PHLPP2: variants seen among roughly 807,000 people sequenced by gnomAD.
PHLPP2 encodes PH domain and leucine rich repeat protein phosphatase 2, also known as PH domain leucine-rich repeat-containing protein phosphatase 2.
In PHLPP2, 66 loss-of-function variants were observed where a neutral mutation model predicts 124.9. The ratio of observed to expected loss-of-function variants is 0.53; its 90% CI spans 0.43 to 0.65. The LOEUF is 0.65. Among genes scored for constraint, PHLPP2 ranks in the 30% least tolerant of loss-of-function variants. The pLI, the probability that PHLPP2 is intolerant of heterozygous loss-of-function variation, is 0.00. For synonymous variants in PHLPP2, 681 were observed against 624.7 expected (o/e 1.09, Z -1.34); for missense variants, 1,685 against 1,600.4 (o/e 1.05, Z -0.90).
chr16:71,679,884 C>T (rs1374041313), intron 6 of PHLPP2, among the ~76,000 whole-genome samples: 2 of 152,070 alleles, frequency 1.3e-5, no homozygotes, highest in African/African-American at 4.8e-5. Context: ...AGATCGAGAC[C>T]ATTCTGGCTA....
In PHLPP2 at chr16:71,648,806, A is replaced by C. The variant is rs1400406231; in HGVS notation, c.*84T>G. On this transcript the variant is annotated 3_prime_UTR_variant, in exon 19 of 19. Transcript: ENST00000568954. ...AACAAAAAAAAAACGAACAAACAAA[A>C]AGAAATGTAGAGGCAGAATGCCTCT... is the stretch of plus-strand genomic sequence containing the variant. The C allele has an allele frequency of 1.1e-5, 11 of 1,000,892 alleles. No homozygotes were observed. Among genetic ancestry groups the C allele is most frequent in the Non-Finnish European group, 1.6e-5 (11 of 667,778 alleles). 62.0% of individuals were successfully genotyped at this position (1,000,892 alleles called of 1,614,324 possible). A position where few individuals can be genotyped will look rare whatever the true frequency, so the allele number is the denominator to read the frequency against.
intron 1 of PHLPP2, among the ~76,000 whole-genome samples, chr16:71,720,216 G>C (rs2045389971): frequency 6.6e-6 from 1 of 151,620 alleles, no homozygotes; most frequent in Non-Finnish European, 1.5e-5. Context: ...TGATCCACCA[G>C]CCTCGGCCTC....
At chr16:71,723,804 C>A in intron 1 of PHLPP2, 1 of 1,292,874 alleles carries the variant, frequency 7.7e-7, no homozygotes, top group Non-Finnish European at 9.8e-7. Flanking sequence ...CGGCGGCTCG[C>A]GGGCGCTTCG....
intron 13 of PHLPP2, among the ~76,000 whole-genome samples, chr16:71,660,465 GC>G (rs1371801997): frequency 4.0e-5 from 4 of 99,340 alleles, no homozygotes; most frequent in Non-Finnish European, 7.3e-5. Flanking sequence ...TTGCTCTGTT[GC>G]CCAGGCTGGA....
At chr16:71,714,293 G>A (rs1223743782) in intron 2 of PHLPP2, among the ~76,000 whole-genome samples, 3 of 151,956 alleles carry the variant, frequency 2.0e-5, no homozygotes, top group Admixed American at 6.6e-5. Context: ...TCTGACCTAT[G>A]GTGTATTCCA....
intron 7 of PHLPP2, 32 bp downstream of exon 7, chr16:71,679,357 G>A (rs1341361928): frequency 6.2e-7 from 1 of 1,600,850 alleles, no homozygotes; most frequent in South Asian, 1.1e-5. Flanking sequence ...TATTCTGCAA[G>A]GGAAAAGAGG....
chr16:71,667,363 TA>T (rs760270379), intron 11 of PHLPP2, 30 bp from the exon 12 acceptor site: 19 of 1,562,358 alleles, frequency 1.2e-5, no homozygotes, highest in Non-Finnish European at 1.6e-5. Flanking sequence ...ACAAACACAT[TA>T]AAAACTTACT....
chr16:71,692,952 C>T (rs1163152337), intron 3 of PHLPP2, among the ~76,000 whole-genome samples: 1 of 152,002 alleles, frequency 6.6e-6, no homozygotes, highest in East Asian at 1.9e-4. Flanking sequence ...TCCACATTTC[C>T]AACTATCCAG....
rs2044670332 is a variant in PHLPP2, at chr16:71,648,680, G to A, written c.*210C>T. The stretch of plus-strand genomic sequence containing the variant: ...CCAGCTACTCGGGAGGCTGAGACAG[G>A]AGAATGGCTTGAACCCAGGGACAGA... On this transcript the variant is annotated 3_prime_UTR_variant, in exon 19 of 19. Transcript: ENST00000568954. The A allele has an allele frequency of 1.8e-6, 1 of 541,434 alleles. No individual in the cohort carries two copies. Among genetic ancestry groups the A allele is most frequent in the Non-Finnish European group, 3.3e-6 (1 of 306,388 alleles). 33.5% of individuals were successfully genotyped at this position (541,434 alleles called of 1,614,324 possible).
rs2044703578 is a variant in PHLPP2, at chr16:71,652,465, CT to C, written c.2817+324del. Among the ~76,000 whole-genome samples, 3 of 152,330 alleles carry C rather than the reference CT, an allele frequency of 2.0e-5. No individual in the cohort carries two copies. In the South Asian group the frequency reaches 6.2e-4, roughly 32 times the overall value. ...GGGATGTCAAACTAGAGAACTCTTTCTTCTATTTGGAATAACAAACCAGATG... is the reference window on the plus strand; with the variant it reads ...GGGATGTCAAACTAGAGAACTCTTTCTCTATTTGGAATAACAAACCAGATG... On this transcript the variant is annotated intron_variant, in intron 18 of 18. Coordinates refer to ENST00000568954, the MANE Select transcript of PHLPP2 (RefSeq NM_015020.3).
chr16:71,669,456 C>T (rs1177152530), intron 10 of PHLPP2, 86 bp from the exon 11 acceptor site: 20 of 942,714 alleles, frequency 2.1e-5, no homozygotes, highest in Non-Finnish European at 3.0e-5. Flanking sequence ...CATTAACCAG[C>T]CTGTGAGCCC....
intron 13 of PHLPP2, among the ~76,000 whole-genome samples, chr16:71,661,673 T>C (rs1047245206): frequency 2.6e-5 from 4 of 152,116 alleles, no homozygotes; most frequent in Non-Finnish European, 1.5e-5. Flanking sequence ...AGTCATTGTT[T>C]TAATTCTTTC....
intron 17 of PHLPP2, among the ~76,000 whole-genome samples, chr16:71,653,962 G>A (rs892022740): frequency 7.2e-5 from 11 of 151,962 alleles, no homozygotes; most frequent in African/African-American, 2.4e-4. Flanking sequence ...TTGGGAGGCC[G>A]AGGTGGGCAG....
chr16:71,701,286 ATC>A, intron 3 of PHLPP2, among the ~76,000 whole-genome samples: 1 of 91,188 alleles, frequency 1.1e-5, no homozygotes, highest in African/African-American at 4.4e-5. Flanking sequence ...CTATCTATCT[ATC>A]TATCTATCTA....
intron 1 of PHLPP2, chr16:71,723,828 G>C (rs935637224): frequency 8.0e-7 from 1 of 1,250,738 alleles, no homozygotes; most frequent in Non-Finnish European, 1.0e-6. Context: ...GGCTCCGGGG[G>C]CTCCAGCGGG....
At chr16:71,669,129 C>G (rs932283487) in intron 11 of PHLPP2, 146 bp downstream of exon 11, 2 of 556,614 alleles carry the variant, frequency 3.6e-6, no homozygotes, top group African/African-American at 3.7e-5. Flanking sequence ...TTACTATGTT[C>G]CTTACAGCAC....
At chr16:71,695,433 G>A (rs1016579249) in intron 3 of PHLPP2, among the ~76,000 whole-genome samples, 8 of 152,166 alleles carry the variant, frequency 5.3e-5, no homozygotes, top group African/African-American at 1.7e-4. Context: ...ACAGGGCCGG[G>A]CACAGTGGCT....
At chr16:71,694,621 G>A (rs2045150323) in intron 3 of PHLPP2, among the ~76,000 whole-genome samples, 1 of 151,948 alleles carries the variant, frequency 6.6e-6, no homozygotes, top group Non-Finnish European at 1.5e-5. Context: ...AATACATGCA[G>A]AAGTCCTTTA....
intron 2 of PHLPP2, among the ~76,000 whole-genome samples, chr16:71,713,297 T>C (rs961308320): frequency 2.0e-5 from 3 of 152,226 alleles, no homozygotes; most frequent in African/African-American, 7.2e-5. Flanking sequence ...TTCATGTGTA[T>C]GTGCCTCTAT....
Sources: allele counts gnomAD v4.1 joint callset (sites outside exome capture counted in the v4.1 genomes callset), GRCh38; gene constraint gnomAD v4.1.1; transcripts MANE v1.5; gene names NCBI Gene and HGNC (gene_info 2026-07-23, HGNC 2026-07-21).